The following FBXO28 variants were observed in gnomAD, a reference collection of about 807,000 sequenced individuals.
FBXO28 encodes F-box protein 28.
A neutral mutation model predicts 38.1 loss-of-function variants in FBXO28; 8 were observed. The ratio of observed to expected loss-of-function variants is 0.21; its 90% CI spans 0.12 to 0.38. FBXO28 has a LOEUF of 0.38. Among genes scored for constraint, FBXO28 ranks in the 10% least tolerant of loss-of-function variants. The pLI is 1.00. For synonymous variants in FBXO28, 168 were observed against 173.8 expected (o/e 0.97, Z 0.26); for missense variants, 345 against 460.6 (o/e 0.75, Z 2.30).
intron 4 of FBXO28, among the ~76,000 whole-genome samples, chr1:224,157,134 A>T (rs1248562545): frequency 6.6e-6 from 1 of 152,204 alleles, no homozygotes; most frequent in Non-Finnish European, 1.5e-5. Context: ...GGCAGTCTAC[A>T]TACTGCCACA....
intron 1 of FBXO28, among the ~76,000 whole-genome samples, chr1:224,117,543 A>G (rs896454021): frequency 5.3e-5 from 8 of 152,092 alleles, no homozygotes; most frequent in East Asian, 1.9e-4. Flanking sequence ...AACTCCTCCA[A>G]TGTAAAATTA....
At chr1:224,122,345 T>A (rs6659249) in intron 1 of FBXO28, among the ~76,000 whole-genome samples, 141,071 of 152,230 alleles carry the variant, frequency 0.93, 66,212 homozygotes, top group Non-Finnish European at 1. Context: ...CCAGGAACAT[T>A]CTTATTTTAC....
At chr1:224,152,239 G>A (rs562988905) in intron 3 of FBXO28, among the ~76,000 whole-genome samples, 77 of 152,174 alleles carry the variant, frequency 5.1e-4, no homozygotes, top group African/African-American at 1.8e-3. Flanking sequence ...CCTTTTGGTG[G>A]TGACAAGGAA....
chr1:224,139,745 AATAC>A (rs1210965470), intron 3 of FBXO28, among the ~76,000 whole-genome samples: 8 of 103,778 alleles, frequency 7.7e-5, no homozygotes, highest in South Asian at 3.1e-4. Flanking sequence ...GTCTGAAATA[AATAC>A]ATACATGCAT....
In FBXO28 at chr1:224,157,634, T is replaced by C. The variant is rs1351686500; in HGVS notation, c.995T>C (p.Val332Ala). 1.9e-6 allele frequency: 3 copies of C among 1,614,162 alleles called. No homozygotes were observed. The highest frequency in any genetic ancestry group is 1.6e-4 in the Middle Eastern group (1 of 6,062). Residue 332 changes from valine to alanine, a missense_variant, in exon 5 of 5, where the codon GTA (valine) becomes GCA (alanine). Physicochemically the swap from Val to Ala is moderately conservative, Grantham distance 64. This residue lies in a region of FBXO28 where 151 missense variants were observed against 188.3 expected (regional missense o/e 0.80). Transcript: ENST00000366862. ...RKLREVMESA[V>A]GNSSGSGQNE... ...CTACGAGAAGTAATGGAAAGTGCTGTAGGAAATTCCTCAGGGTCCGGGCAG... is the reference window on the plus strand; with the variant it reads ...CTACGAGAAGTAATGGAAAGTGCTGCAGGAAATTCCTCAGGGTCCGGGCAG...
At chr1:224,142,386 C>T (rs1657378744) in intron 3 of FBXO28, among the ~76,000 whole-genome samples, 1 of 151,960 alleles carries the variant, frequency 6.6e-6, no homozygotes, top group Non-Finnish European at 1.5e-5. Flanking sequence ...CATGGTGGCT[C>T]ATGCCTGTAA....
In FBXO28 at chr1:224,161,548, A is replaced by G. The variant is rs1471335555; in HGVS notation, c.*3802A>G. ...AGTTAAAACTACTTTAAACTTGTATAGCCTGCCATCTGAGGTGAATTATTT... is the reference window on the plus strand; with the variant it reads ...AGTTAAAACTACTTTAAACTTGTATGGCCTGCCATCTGAGGTGAATTATTT... On this transcript the variant is annotated 3_prime_UTR_variant, in exon 5 of 5. Coordinates refer to ENST00000366862, the MANE Select transcript of FBXO28 (RefSeq NM_015176.4). 6.6e-6 allele frequency: 1 copy of G among 152,368 alleles called. No homozygotes were observed. The highest frequency in any genetic ancestry group is 1.9e-4 in the East Asian group (1 of 5,194). The allele number at this position is 152,368 out of a possible 1,614,324, so 9.4% of individuals were successfully genotyped here.
intron 3 of FBXO28, among the ~76,000 whole-genome samples, chr1:224,135,717 T>TTTGG (rs1226244269): frequency 6.6e-6 from 1 of 151,614 alleles, no homozygotes; most frequent in African/African-American, 2.4e-5. Context: ...GGCTCACGTG[T>TTTGG]TTGGAATGGT....
chr1:224,156,060 C>T (rs6665085), intron 4 of FBXO28, among the ~76,000 whole-genome samples: 150,281 of 152,304 alleles, frequency 0.99, 74,171 homozygotes, highest in Middle Eastern at 1. Context: ...AAGTTGGATA[C>T]GGATAAGCAG....
intron 3 of FBXO28, among the ~76,000 whole-genome samples, chr1:224,145,637 T>C (rs977035458): frequency 1.3e-5 from 2 of 152,094 alleles, no homozygotes; most frequent in Non-Finnish European, 2.9e-5. Context: ...ATAAAGAATA[T>C]TGAGGCCAGG....
At chr1:224,145,739 A>G (rs1423468391) in intron 3 of FBXO28, among the ~76,000 whole-genome samples, 2 of 152,152 alleles carry the variant, frequency 1.3e-5, no homozygotes, top group Non-Finnish European at 2.9e-5. Flanking sequence ...CCTGGCCAAC[A>G]TGGTGAAACT....
intron 3 of FBXO28, among the ~76,000 whole-genome samples, chr1:224,146,949 G>A (rs932357347): frequency 4.0e-5 from 6 of 150,678 alleles, no homozygotes; most frequent in Non-Finnish European, 7.4e-5. Flanking sequence ...CTCGTAATCC[G>A]CCCTCCTTGG....
At chr1:224,114,584 C>T (rs2102604902) in intron 1 of FBXO28, among the ~76,000 whole-genome samples, 188 bp downstream of exon 1, 1 of 152,376 alleles carries the variant, frequency 6.6e-6, no homozygotes, top group African/African-American at 2.4e-5. Context: ...TTCCCGATTG[C>T]GTCCTAGCTG....
In FBXO28 at chr1:224,158,301, G is replaced by T; in HGVS notation, c.*555G>T. 5.1e-6 allele frequency: 4 copies of T among 784,830 alleles called. No individual in the cohort carries two copies. Among genetic ancestry groups the T allele is most frequent in the South Asian group, 5.8e-5 (1 of 17,192 alleles). The allele number at this position is 784,830 out of a possible 1,614,324, so 48.6% of individuals were successfully genotyped here. ...TTCCATAGTATTGACTGTAGAAGGAGCCTCTACAATATTGACTATATATTT... is the reference window on the plus strand; with the variant it reads ...TTCCATAGTATTGACTGTAGAAGGATCCTCTACAATATTGACTATATATTT... On this transcript the variant is annotated 3_prime_UTR_variant, in exon 5 of 5. Transcript: ENST00000366862.
intron 3 of FBXO28, among the ~76,000 whole-genome samples, chr1:224,151,091 GA>G (rs1358124639): frequency 1.3e-5 from 2 of 152,104 alleles, no homozygotes; most frequent in African/African-American, 4.8e-5. Context: ...TTTTATTGGG[GA>G]AAGGGGTTAT....
intron 3 of FBXO28, among the ~76,000 whole-genome samples, chr1:224,136,619 T>C (rs1356386732): frequency 6.7e-6 from 1 of 150,034 alleles, no homozygotes; most frequent in Non-Finnish European, 1.5e-5. Flanking sequence ...TCCCAGCTAC[T>C]CGGGAGGCTG....
intron 1 of FBXO28, among the ~76,000 whole-genome samples, chr1:224,120,692 G>A (rs1292909771): frequency 2.0e-5 from 3 of 151,916 alleles, no homozygotes; most frequent in East Asian, 1.9e-4. Flanking sequence ...GTGAAACCCC[G>A]TCTATACCGA....
At chr1:224,142,293 A>G (rs1482316891) in intron 3 of FBXO28, among the ~76,000 whole-genome samples, 1 of 150,920 alleles carries the variant, frequency 6.6e-6, no homozygotes, top group Non-Finnish European at 1.5e-5. Flanking sequence ...TAGAGGTTGC[A>G]GTGAGCTGAG....
intron 1 of FBXO28, among the ~76,000 whole-genome samples, chr1:224,117,762 CTT>C (rs1656675245): frequency 4.0e-5 from 6 of 151,720 alleles, no homozygotes; most frequent in Admixed American, 3.9e-4. Context: ...AATCCCAGCA[CTT>C]TGGGAGGCCA....
Sources: gnomAD v4.1 joint callset for allele counts (sites outside exome capture counted in the v4.1 genomes callset) on GRCh38, gnomAD v4.1.1 for gene constraint, gnomAD v4.1.1 regional missense constraint, MANE v1.5 for transcripts, NCBI Gene and HGNC (gene_info 2026-07-23, HGNC 2026-07-21) for gene names.